SYN3: variants seen among roughly 807,000 people sequenced by gnomAD.
SYN3 encodes synapsin-3.
A neutral mutation model predicts 65.8 loss-of-function variants in SYN3; 35 were observed. The ratio of observed to expected loss-of-function variants is 0.53; its 90% CI spans 0.41 to 0.70. The LOEUF (loss-of-function observed/expected upper bound fraction) is 0.70. Ranked by LOEUF, SYN3 falls within the 30% of genes least tolerant of loss-of-function variation. The probability of loss-of-function intolerance (pLI) is 0.00; values close to 1 mark genes in which losing one functional copy is unlikely to be tolerated. For synonymous variants in SYN3, 270 were observed against 292.9 expected, an observed-to-expected ratio of 0.92 and a Z score of 0.80; for missense variants, 680 against 749.0, an observed-to-expected ratio of 0.91 and a Z score of 1.08.
chr22:32,742,963 C>T (rs921594833), intron 6 of SYN3, among the ~76,000 whole-genome samples: 4 of 152,082 alleles, frequency 2.6e-5, no homozygotes, highest in Admixed American at 1.3e-4. Context: ...TGATGCCCTC[C>T]GTTTATAGGG....
chr22:32,838,606 C>G (rs998713792), intron 6 of SYN3, among the ~76,000 whole-genome samples: 1 of 152,126 alleles, frequency 6.6e-6, no homozygotes, highest in Non-Finnish European at 1.5e-5. Flanking sequence ...TGACTTGCCT[C>G]TTTTTGGAGG....
intron 3 of SYN3, among the ~76,000 whole-genome samples, chr22:32,944,477 TTGA>T (rs1356576860): frequency 6.6e-6 from 1 of 152,166 alleles, no homozygotes; most frequent in African/African-American, 2.4e-5. Flanking sequence ...GAAAAGGCCT[TTGA>T]CAAAATTCAA....
At chr22:32,639,804 C>T (rs2059870292) in intron 6 of SYN3, among the ~76,000 whole-genome samples, 1 of 152,214 alleles carries the variant, frequency 6.6e-6, no homozygotes, top group African/African-American at 2.4e-5. Context: ...ACCTTGGCCT[C>T]CCAAAGTGCC....
chr22:32,633,470 T>C (rs890992972), intron 6 of SYN3, among the ~76,000 whole-genome samples: 2 of 152,102 alleles, frequency 1.3e-5, no homozygotes, highest in East Asian at 1.9e-4. Context: ...TAATATTGGA[T>C]GAAGTACCCC....
At chr22:32,660,045 A>G (rs2060195283) in intron 6 of SYN3, among the ~76,000 whole-genome samples, 1 of 152,234 alleles carries the variant, frequency 6.6e-6, no homozygotes, top group South Asian at 2.1e-4. Flanking sequence ...GGTGCAAGAT[A>G]GAAAGAACCC....
At chr22:32,739,174 A>T (rs1967960) in intron 6 of SYN3, among the ~76,000 whole-genome samples, 1 of 146,130 alleles carries the variant, frequency 6.8e-6, no homozygotes, top group African/African-American at 2.6e-5. Context: ...ATTGAATCAC[A>T]GGGGGGGGGC....
chr22:32,710,645 A>ACAAAAAAAAAAAAAAAAAAAG (rs1555931896), intron 6 of SYN3, among the ~76,000 whole-genome samples: 1 of 126,992 alleles, frequency 7.9e-6, no homozygotes, highest in Non-Finnish European at 1.5e-5. Flanking sequence ...AAAAAAAAAA[A>ACAAAAAAAAAAAAAAAAAAAG]AAAGAAAGAA....
chr22:32,929,125 A>G (rs576960242), intron 4 of SYN3, among the ~76,000 whole-genome samples: 6 of 152,306 alleles, frequency 3.9e-5, no homozygotes, highest in African/African-American at 1.2e-4. Flanking sequence ...TCTACTAAAA[A>G]TACAAAATTA....
At chr22:32,909,931 A>G (rs1601674413) in intron 4 of SYN3, among the ~76,000 whole-genome samples, 1 of 152,238 alleles carries the variant, frequency 6.6e-6, no homozygotes, top group East Asian at 1.9e-4. Context: ...CGCACATACA[A>G]GCGGTGTGCT....
intron 4 of SYN3, among the ~76,000 whole-genome samples, chr22:32,889,843 A>G (rs953377973): frequency 2.0e-5 from 3 of 152,032 alleles, no homozygotes; most frequent in Non-Finnish European, 4.4e-5. Context: ...CTTTTTATCA[A>G]AAGTCATTAG....
chr22:32,979,888 G>A (rs114196886), intron 3 of SYN3, among the ~76,000 whole-genome samples: 1,753 of 152,208 alleles, frequency 0.012, 42 homozygotes, highest in African/African-American at 0.04. Flanking sequence ...ATTCAAACCT[G>A]GAGTATGGCT....
At chr22:33,016,281 T>A (rs1323268924) in intron 1 of SYN3, among the ~76,000 whole-genome samples, 2 of 152,200 alleles carry the variant, frequency 1.3e-5, no homozygotes, top group African/African-American at 2.4e-5. Flanking sequence ...ATGACTTAAA[T>A]GTAGTTATAG....
At chr22:32,640,946 T>A (rs192430854) in intron 6 of SYN3, among the ~76,000 whole-genome samples, 11 of 152,176 alleles carry the variant, frequency 7.2e-5, no homozygotes, top group Non-Finnish European at 1.3e-4. Context: ...AGGGGTATTA[T>A]AAATAAGCAT....
At chr22:32,935,285 TTC>T (rs34290935) in intron 3 of SYN3, among the ~76,000 whole-genome samples, 24,803 of 144,280 alleles carry the variant, frequency 0.17, 2,491 homozygotes, top group Non-Finnish European at 0.24. Context: ...CTCTCTCTCT[TTC>T]TCTCTCTCTC....
At chr22:32,734,050 T>C (rs1477590034) in intron 6 of SYN3, among the ~76,000 whole-genome samples, 1 of 152,122 alleles carries the variant, frequency 6.6e-6, no homozygotes, top group Non-Finnish European at 1.5e-5. Context: ...AAACAGACTG[T>C]CTAGGGCCAC....
At chr22:33,005,159 T>C (rs2053163513) in intron 2 of SYN3, among the ~76,000 whole-genome samples, 1 of 152,166 alleles carries the variant, frequency 6.6e-6, no homozygotes, top group Non-Finnish European at 1.5e-5. Context: ...CCTCTCTCCT[T>C]TATAAATTAC....
intron 6 of SYN3, among the ~76,000 whole-genome samples, chr22:32,855,611 A>G (rs1428058357): frequency 6.6e-6 from 1 of 152,166 alleles, no homozygotes; most frequent in Non-Finnish European, 1.5e-5. Flanking sequence ...TGTCATGGTG[A>G]TTCGTGGGCT....
chr22:32,831,855 C>G (rs984953160), intron 6 of SYN3, among the ~76,000 whole-genome samples: 6 of 152,152 alleles, frequency 3.9e-5, no homozygotes, highest in Admixed American at 2.0e-4. Flanking sequence ...GCACCCCCCC[C>G]AACCTCCACC....
At chr22:33,010,495 C>T (rs1434573564) in intron 1 of SYN3, among the ~76,000 whole-genome samples, 1 of 152,122 alleles carries the variant, frequency 6.6e-6, no homozygotes, top group Non-Finnish European at 1.5e-5. Context: ...CATGTGTGGG[C>T]CTACTTCTGG....
Sources: allele counts gnomAD v4.1 joint callset (sites outside exome capture counted in the v4.1 genomes callset), GRCh38; gene constraint gnomAD v4.1.1; transcripts MANE v1.5; gene names NCBI Gene and HGNC (gene_info 2026-07-23, HGNC 2026-07-21).